The following TMEM38A variants were observed in gnomAD, a reference collection of about 807,000 sequenced individuals.
TMEM38A encodes the protein trimeric intracellular cation channel type A.
TMEM38A carries 17 observed loss-of-function variants against 28.6 expected under a neutral mutation model. The observed-to-expected ratio is 0.60, with a 90% CI of 0.41 to 0.89. The LOEUF is 0.89. TMEM38A is among the 40% of genes least tolerant of loss of function. TMEM38A has a pLI of 0.00. For missense variants in TMEM38A, 328 were observed against 393.1 expected (o/e 0.83, Z 1.40); for synonymous variants, 169 against 166.1 (o/e 1.02, Z -0.14).
chr19:16,676,128 A>G lies in TMEM38A; in HGVS notation c.125-3856A>G, dbSNP rs543217542. 6.7e-5 allele frequency among the ~76,000 whole-genome samples: 10 copies of G among 149,636 alleles called. No individual in the cohort carries two copies. The East Asian group carries it at 1.7e-3, about 26-fold the overall frequency. ...GTAATCCCAGCACTTTGTGAGGCCGAGGCAGGCGGATCACGAGGTCAGGAG... is the reference window on the plus strand; with the variant it reads ...GTAATCCCAGCACTTTGTGAGGCCGGGGCAGGCGGATCACGAGGTCAGGAG... On this transcript the variant is annotated intron_variant, in intron 1 of 5. Coordinates refer to ENST00000187762, the MANE Select transcript of TMEM38A (RefSeq NM_024074.4).
chr19:16,682,076 G>A (rs2086784179), intron 3 of TMEM38A, among the ~76,000 whole-genome samples: 1 of 152,146 alleles, frequency 6.6e-6, no homozygotes, highest in Admixed American at 6.6e-5. Context: ...GAGGAGGAGA[G>A]AGACTGCGGG....
intron 1 of TMEM38A, among the ~76,000 whole-genome samples, chr19:16,667,488 G>C (rs944129843): frequency 1.3e-5 from 2 of 152,098 alleles, no homozygotes; most frequent in African/African-American, 4.8e-5. Context: ...CTTGAGCCTT[G>C]ACCCATCCAA....
intron 4 of TMEM38A, among the ~76,000 whole-genome samples, chr19:16,683,106 TG>T (rs1166992406): frequency 6.6e-6 from 1 of 152,116 alleles, no homozygotes; most frequent in Non-Finnish European, 1.5e-5. Flanking sequence ...CCTGAGTACC[TG>T]GGATTACAGG....
At position 16,688,043 on chromosome 19, in the gene TMEM38A, C is replaced by T. The variant is rs2086808779; in HGVS notation, c.673-101C>T. Reference sequence around the variant, plus strand: ...CTACCTCCAACCTTGACTTTGATGACATTCTCTCCCCTCTTCTCCCCACCC... The same window carrying T: ...CTACCTCCAACCTTGACTTTGATGATATTCTCTCCCCTCTTCTCCCCACCC... On this transcript the variant is annotated intron_variant, in intron 5 of 5. Transcript: ENST00000187762. 3.6e-6 allele frequency: 3 copies of T among 838,658 alleles called. No individual in the cohort carries two copies. In the African/African-American group the frequency reaches 5.3e-5, roughly 15 times the overall value. The allele number at this position is 838,658 out of a possible 1,614,324, so 52.0% of individuals were successfully genotyped here.
chr19:16,680,381 G>T lies in TMEM38A; in HGVS notation c.282-16G>T. 6.2e-7 allele frequency: 1 copy of T among 1,613,642 alleles called. No homozygotes were observed. Among genetic ancestry groups the T allele is most frequent in the Non-Finnish European group, 8.5e-7 (1 of 1,179,596 alleles). On this transcript the variant is annotated splice_polypyrimidine_tract_variant and intron_variant, in intron 2 of 5. Coordinates refer to ENST00000187762, the MANE Select transcript of TMEM38A (RefSeq NM_024074.4). ...GTCTGCCCATCCCCTGGCACTCACT[G>T]TTCTCTCCCCAAAAGGTACTTGATT...
intron 4 of TMEM38A, among the ~76,000 whole-genome samples, chr19:16,684,820 C>A (rs929608090): frequency 4.0e-5 from 6 of 149,194 alleles, no homozygotes; most frequent in African/African-American, 1.2e-4. Flanking sequence ...AGGAGGATTG[C>A]TCAAGGCCAG....
In TMEM38A at chr19:16,680,053, G is replaced by A. The variant is rs776276983; in HGVS notation, c.194G>A (p.Ser65Asn). Residue 65 changes from serine (S) to asparagine (N), a missense_variant, in exon 2 of 6, where the codon AGC becomes AAC. By Grantham distance (46) the Ser-to-Asn change is conservative. Transcript: ENST00000187762. ...WLCAMLHCFG[S>N]YILADLLLGE... ...TGCGCCATGCTGCATTGCTTCGGGA[G>A]CTACATCCTGGCTGATCTGCTCCTT... 2.4e-5 allele frequency: 38 copies of A among 1,611,414 alleles called. No individual in the cohort carries two copies. Among genetic ancestry groups the A allele is most frequent in the Non-Finnish European group, 2.6e-5 (31 of 1,180,018 alleles).
At chr19:16,686,474 T>C in intron 5 of TMEM38A, 69 bp downstream of exon 5, 2 of 1,312,710 alleles carry the variant, frequency 1.5e-6, no homozygotes, top group Non-Finnish European at 2.2e-6. Flanking sequence ...AGGTTGGGAG[T>C]GGGGAAATTG....
chr19:16,662,748 A>C (rs944620395), intron 1 of TMEM38A, among the ~76,000 whole-genome samples: 2 of 151,702 alleles, frequency 1.3e-5, no homozygotes, highest in Non-Finnish European at 2.9e-5. Flanking sequence ...CACTGCACCC[A>C]GCCAATGCAC....
chr19:16,662,758 C>T (rs180949825), intron 1 of TMEM38A, among the ~76,000 whole-genome samples: 33 of 151,978 alleles, frequency 2.2e-4, no homozygotes, highest in East Asian at 1.7e-3. Flanking sequence ...AGCCAATGCA[C>T]GCTCTTATGC....
intron 4 of TMEM38A, among the ~76,000 whole-genome samples, chr19:16,685,877 A>G (rs2086799607): frequency 6.6e-6 from 1 of 152,150 alleles, no homozygotes; most frequent in Non-Finnish European, 1.5e-5. Flanking sequence ...TACAATCAGG[A>G]GAAGCTGTGG....
intron 1 of TMEM38A, among the ~76,000 whole-genome samples, chr19:16,671,223 T>TTTTTTTTTTTGG (rs2086726256): frequency 8.2e-6 from 1 of 122,630 alleles, no homozygotes; most frequent in Non-Finnish European, 1.7e-5. Context: ...TTTTTTTTTT[T>TTTTTTTTTTTGG]GAGGCGGAGT....
chr19:16,688,108 G>T, intron 5 of TMEM38A, 36 bp from the exon 6 acceptor site: 1 of 1,386,626 alleles, frequency 7.2e-7, no homozygotes, highest in Non-Finnish European at 9.5e-7. Context: ...GTCTCCCTCT[G>T]TCTCTCTTGC....
chr19:16,670,667 G>A (rs1235182234), intron 1 of TMEM38A, among the ~76,000 whole-genome samples: 3 of 152,128 alleles, frequency 2.0e-5, no homozygotes, highest in Middle Eastern at 3.4e-3. Context: ...AGCCGGGTGC[G>A]GGGGCTCATG....
intron 1 of TMEM38A, among the ~76,000 whole-genome samples, chr19:16,665,021 G>A (rs1346326440): frequency 3.3e-5 from 5 of 151,526 alleles, no homozygotes; most frequent in South Asian, 2.1e-4. Context: ...ATGGCTAGGC[G>A]CGGTGTCTCA....
intron 1 of TMEM38A, among the ~76,000 whole-genome samples, chr19:16,677,661 A>G (rs763452949): frequency 6.0e-5 from 9 of 148,938 alleles, no homozygotes; most frequent in Non-Finnish European, 1.0e-4. Flanking sequence ...AGCTCAAGTG[A>G]TCTTCCTACC....
rs193099207 is a variant in TMEM38A at position 16,683,926 on chromosome 19, C to T, written c.554+1418C>T. Among the ~76,000 whole-genome samples, 11 of 150,392 alleles carry T rather than the reference C, an allele frequency of 7.3e-5. No individual in the cohort carries two copies. In the East Asian group the frequency reaches 1.2e-3, roughly 16 times the overall value. ...CGGAGGTTGCAGTGAGCCGAGATCA[C>T]GCTATTGCACTCCAGCCTGGGCAGC... On this transcript the variant is annotated intron_variant, in intron 4 of 5. Coordinates refer to ENST00000187762, the MANE Select transcript of TMEM38A (RefSeq NM_024074.4).
intron 1 of TMEM38A, among the ~76,000 whole-genome samples, chr19:16,675,950 T>C (rs1029767020): frequency 6.6e-6 from 1 of 152,124 alleles, no homozygotes; most frequent in African/African-American, 2.4e-5. Flanking sequence ...GATTTCAACA[T>C]ACGAATTTTG....
At chr19:16,668,060 T>A (rs1279210017) in intron 1 of TMEM38A, among the ~76,000 whole-genome samples, 1 of 151,606 alleles carries the variant, frequency 6.6e-6, no homozygotes, top group Non-Finnish European at 1.5e-5. Context: ...AATACAAAAA[T>A]TAGCCAGGCG....
Sources: allele counts gnomAD v4.1 joint callset (sites outside exome capture counted in the v4.1 genomes callset), GRCh38; gene constraint gnomAD v4.1.1; transcripts MANE v1.5; gene names NCBI Gene and HGNC (gene_info 2026-07-23, HGNC 2026-07-21).